The following SNAPC3 variants were observed in gnomAD, a reference collection of about 807,000 sequenced individuals.
The protein encoded by SNAPC3 is small nuclear RNA activating complex polypeptide 3, also known as snRNA-activating protein complex subunit 3.
A neutral mutation model predicts 47.7 loss-of-function variants in SNAPC3; 56 were observed. That is an observed-to-expected ratio of 1.18 (90% CI 0.95 to 1.47). The LOEUF is 1.47. Among genes scored for constraint, SNAPC3 ranks in the 40% most tolerant of loss-of-function variants. The pLI is 0.00. For synonymous variants in SNAPC3, 235 were observed against 189.9 expected (o/e 1.24, Z -1.95); for missense variants, 665 against 511.3 (o/e 1.30, Z -2.90).
downstream of SNAPC3, chr9:15,465,299 G>A (rs2035541171): frequency 2.2e-6 from 1 of 450,720 alleles, no homozygotes; most frequent in Admixed American, 4.2e-5. Context: ...TTTTCTAAAT[G>A]GATTTTATCC....
At position 15,457,956 on chromosome 9, in the gene SNAPC3, A is replaced by G. The variant is rs955021365; in HGVS notation, c.981-4A>G. On this transcript the variant is annotated splice_region_variant and splice_polypyrimidine_tract_variant and intron_variant, in intron 7 of 8. Coordinates refer to ENST00000380821, the MANE Select transcript of SNAPC3 (RefSeq NM_001039697.2). ...TAATATCTTTATTTTCCCACGAACA[A>G]AAGGCTTGTGCATCATGATGACTGC... 1.5e-5 allele frequency: 24 copies of G among 1,555,608 alleles called. No individual in the cohort carries two copies. The highest frequency in any genetic ancestry group is 2.1e-5 in the Non-Finnish European group (24 of 1,148,324).
At chr9:15,430,411 A>G (rs905025175) in intron 2 of SNAPC3, among the ~76,000 whole-genome samples, 3 of 152,196 alleles carry the variant, frequency 2.0e-5, no homozygotes, top group African/African-American at 7.2e-5. Context: ...CAGCCTGGGC[A>G]ACAGAAAAAG....
At position 15,423,031 on chromosome 9, in the gene SNAPC3, G is replaced by A. The variant is rs778414945; in HGVS notation, c.152G>A (p.Trp51Ter). 1.3e-5 allele frequency: 20 copies of A among 1,526,234 alleles called. No individual in the cohort carries two copies. Among genetic ancestry groups the A allele is most frequent in the Non-Finnish European group, 1.7e-5 (20 of 1,142,864 alleles). The allele number at this position is 1,526,234 out of a possible 1,614,324, so 94.5% of individuals were successfully genotyped here. Reference protein sequence around the residue: ...AFHVGAFGELWRGRLRGAGDL... With the variant: ...AFHVGAFGEL ...CATGTGGGCGCCTTTGGGGAGCTGT[G>A]GCGGGGCCGTCTGCGCGGGGCCGGG... is the stretch of plus-strand genomic sequence containing the variant. The change falls in exon 1 of 9, where the codon TGG becomes TAG. Residue 51 changes from tryptophan to a stop codon, truncating the protein, a stop_gained. Coordinates refer to ENST00000380821, the MANE Select transcript of SNAPC3 (RefSeq NM_001039697.2). LOFTEE classifies it high-confidence loss of function.
intron 5 of SNAPC3, among the ~76,000 whole-genome samples, chr9:15,447,449 T>G (rs1464942028): frequency 6.6e-6 from 1 of 152,248 alleles, no homozygotes; most frequent in Admixed American, 6.5e-5. Context: ...CATCTCTCAT[T>G]TGTTTCTAAA....
intron 4 of SNAPC3, among the ~76,000 whole-genome samples, chr9:15,445,565 AT>A (rs2033861676): frequency 2.8e-5 from 2 of 71,104 alleles, no homozygotes; most frequent in East Asian, 8.4e-4. Context: ...TCATTGAAAT[AT>A]TAATATATAT....
intron 7 of SNAPC3, among the ~76,000 whole-genome samples, chr9:15,456,036 A>G (rs10756668): frequency 0.91 from 138,245 of 152,054 alleles, 63,087 homozygotes; most frequent in African/African-American, 0.94. Context: ...CACCACGCCC[A>G]GCTAATTTTG....
At position 15,425,126 on chromosome 9, in the gene SNAPC3, T is replaced by C. The variant is rs550521879; in HGVS notation, c.392+1140T>C. On this transcript the variant is annotated intron_variant, in intron 2 of 8. Coordinates refer to ENST00000380821, the MANE Select transcript of SNAPC3 (RefSeq NM_001039697.2). ...TCCACATATATCCCAAATTTGCCTT[T>C]CCAGATTTATTTTCAACCACTTTCT... 8.3e-4 allele frequency among the ~76,000 whole-genome samples: 127 copies of C among 152,316 alleles called. 3 individuals are homozygous for C. The South Asian group carries it at 0.025, about 30-fold the overall frequency.
intron 4 of SNAPC3, among the ~76,000 whole-genome samples, chr9:15,445,246 A>C (rs1208273583): frequency 6.6e-6 from 1 of 152,250 alleles, no homozygotes; most frequent in Non-Finnish European, 1.5e-5. Context: ...TAGTATTGAA[A>C]TATATGCCTG....
At chr9:15,431,258 G>T (rs1449940736) in intron 2 of SNAPC3, among the ~76,000 whole-genome samples, 1 of 152,160 alleles carries the variant, frequency 6.6e-6, no homozygotes, top group African/African-American at 2.4e-5. Flanking sequence ...TTCCACTGAT[G>T]CAGTACCATA....
chr9:15,459,655 A>T, intron 8 of SNAPC3, 64 bp from the exon 9 acceptor site: 2 of 1,306,900 alleles, frequency 1.5e-6, no homozygotes, highest in Non-Finnish European at 2.2e-6. Context: ...GCTACAGGTC[A>T]TAAAGCATGT....
intron 3 of SNAPC3, among the ~76,000 whole-genome samples, chr9:15,442,420 G>A (rs1169355225): frequency 1.3e-5 from 2 of 151,294 alleles, no homozygotes; most frequent in African/African-American, 2.4e-5. Context: ...CAGACGGGGC[G>A]GCTGCCGGGC....
chr9:15,427,456 C>G (rs1264477215), intron 2 of SNAPC3, among the ~76,000 whole-genome samples: 2 of 152,204 alleles, frequency 1.3e-5, no homozygotes, highest in African/African-American at 4.8e-5. Flanking sequence ...TCAAGTGATT[C>G]TTCTGCCTCA....
intron 3 of SNAPC3, among the ~76,000 whole-genome samples, chr9:15,438,558 TTA>T (rs1290726396): frequency 6.6e-6 from 1 of 152,164 alleles, no homozygotes; most frequent in African/African-American, 2.4e-5. Context: ...GATTGTTCTT[TTA>T]TATAAAGTTA....
At chr9:15,445,980 C>G (rs573034829) in intron 4 of SNAPC3, among the ~76,000 whole-genome samples, 3 of 152,254 alleles carry the variant, frequency 2.0e-5, no homozygotes, top group South Asian at 2.1e-4. Context: ...AATGACCAAT[C>G]ATAAAAAGAA....
chr9:15,464,646 A>ATTAAG (rs1383126439), downstream of SNAPC3: 1 of 198,548 alleles, frequency 5.0e-6, no homozygotes, highest in Non-Finnish European at 1.0e-5. Flanking sequence ...TTTTCTTCCA[A>ATTAAG]TTAAGTTTTA....
Position 15,433,612 on chromosome 9 carries a change from A to G in SNAPC3, c.453A>G (p.Arg151=), listed in dbSNP as rs750671719. 2.0e-5 allele frequency: 32 copies of G among 1,607,316 alleles called. No homozygotes were observed. The Admixed American group carries it at 4.0e-4, about 20-fold the overall frequency. Reference sequence around the variant, plus strand: ...CCATTACAATAGATCGAGCCTGCAGACAAGAAACATTCGTTTATGAGATGG... The same window carrying G: ...CCATTACAATAGATCGAGCCTGCAGGCAAGAAACATTCGTTTATGAGATGG... ...EETITIDRAC[R]QETFVYEMES... The change falls in exon 3 of 9, where the codon AGA becomes AGG. Residue 151 remains arginine, a synonymous_variant. Transcript: ENST00000380821.
At chr9:15,439,378 A>C (rs1374912873) in intron 3 of SNAPC3, among the ~76,000 whole-genome samples, 2 of 152,000 alleles carry the variant, frequency 1.3e-5, no homozygotes, top group Admixed American at 1.3e-4. Context: ...TTCTTTGTCT[A>C]TTGAAACCTT....
chr9:15,459,330 C>G (rs2035026223), intron 8 of SNAPC3, among the ~76,000 whole-genome samples: 1 of 152,198 alleles, frequency 6.6e-6, no homozygotes, highest in South Asian at 2.1e-4. Context: ...AAGCAAAAGT[C>G]TATCAGATTT....
chr9:15,454,106 G>A (rs1019939963), intron 7 of SNAPC3, among the ~76,000 whole-genome samples: 1 of 152,032 alleles, frequency 6.6e-6, no homozygotes, highest in African/African-American at 2.4e-5. Context: ...AGTGGTGTGT[G>A]CCTGTAATCC....
Sources: gnomAD v4.1 joint callset for allele counts (sites outside exome capture counted in the v4.1 genomes callset) on GRCh38, gnomAD v4.1.1 for gene constraint, MANE v1.5 for transcripts, NCBI Gene and HGNC (gene_info 2026-07-23, HGNC 2026-07-21) for gene names.